Variants in EYS observed in about 807,000 individuals in gnomAD.
EYS encodes the protein EGF-like photoreceptor maintenance factor, also known as protein eyes shut homolog.
In EYS, 250 loss-of-function variants were observed where a neutral mutation model predicts 282.1. That is an observed-to-expected ratio of 0.89 (90% CI 0.80 to 0.98). EYS has a LOEUF of 0.98. EYS is among the 50% of genes least tolerant of loss of function. The pLI is 0.00. For missense variants in EYS, 4,016 were observed against 3,709.0 expected (o/e 1.08, Z -2.15); for synonymous variants, 1,355 against 1,282.9 (o/e 1.06, Z -1.20).
rs2150353000 is a variant in EYS at position 65,386,091 on chromosome 6, A to G, written c.1185-1591T>C. Among the ~76,000 whole-genome samples the G allele has an allele frequency of 2.0e-5, 3 of 151,916 alleles. No homozygotes were observed. The South Asian group carries it at 6.2e-4, about 32-fold the overall frequency. On this transcript the variant is annotated intron_variant, in intron 7 of 42. Transcript: ENST00000503581. ...ATTGAAGAACCAATATTCAGCCACT[A>G]AGAAGAATCAGACCCAAATGGTGTT...
intron 29 of EYS, chr6:64,377,864 C>T (rs143595499): frequency 1.3e-5 from 2 of 152,132 alleles, no homozygotes; most frequent in East Asian, 1.9e-4. Context: ...CCATCACTGC[C>T]TAGTTGTATA....
chr6:64,296,478 T>G (rs1456110301), intron 30 of EYS, among the ~76,000 whole-genome samples: 1 of 147,856 alleles, frequency 6.8e-6, no homozygotes, highest in African/African-American at 2.5e-5. Flanking sequence ...ATAAAGGAAA[T>G]AAGGCAGAGT....
intron 31 of EYS, among the ~76,000 whole-genome samples, chr6:64,174,860 A>G (rs1237397963): frequency 4.6e-5 from 7 of 152,090 alleles, no homozygotes; most frequent in Non-Finnish European, 5.9e-5. Context: ...ATGGTAAAAT[A>G]TCTGGTGGAT....
chr6:64,638,302 T>C lies in EYS; in HGVS notation c.3444-12057A>G, dbSNP rs1440361894. ...GCTTATTCCTGAAAGTGTTTAGTTA[T>C]AGGTAGATACATTGTTCCTTTCTAA... On this transcript the variant is annotated intron_variant, in intron 22 of 42. Transcript: ENST00000503581. Among the ~76,000 whole-genome samples, 2 of 92,048 alleles carry C rather than the reference T, an allele frequency of 2.2e-5. 1 individual carries two copies. The highest frequency in any genetic ancestry group is 4.8e-4 in the East Asian group (2 of 4,126). The allele number at this position is 92,048 out of a possible 152,430, so 60.4% of individuals were successfully genotyped here.
intron 39 of EYS, among the ~76,000 whole-genome samples, chr6:63,783,170 C>G (rs1204512921): frequency 1.3e-5 from 2 of 152,138 alleles, no homozygotes; most frequent in African/African-American, 4.8e-5. Context: ...TATCTCATGT[C>G]CACTCTATTC....
In EYS at chr6:64,593,211, A is replaced by G. The variant is rs1387885549; in HGVS notation, c.3783T>C (p.Tyr1261=). 2.6e-6 allele frequency: 4 copies of G among 1,550,622 alleles called. No homozygotes were observed. Among genetic ancestry groups the G allele is most frequent in the East Asian group, 2.4e-5 (1 of 40,832 alleles). ...QRTDPISTQT[Y]TIPPSETLVS... is the part of the protein sequence containing the mutation. Reference sequence around the variant, plus strand: ...CCAAAGTCTCAGAAGGGGGAATTGTATATGTCTGTGTGGAAATGGGATCTG... The same window carrying G: ...CCAAAGTCTCAGAAGGGGGAATTGTGTATGTCTGTGTGGAAATGGGATCTG... The change falls in exon 25 of 43, where the codon TAT becomes TAC. Residue 1261 remains tyrosine (Y), a synonymous_variant. Coordinates refer to ENST00000503581, the MANE Select transcript of EYS (RefSeq NM_001142800.2).
chr6:65,679,624 A>G (rs565569784), intron 1 of EYS, among the ~76,000 whole-genome samples: 1 of 152,054 alleles, frequency 6.6e-6, no homozygotes, highest in South Asian at 2.1e-4. Context: ...TTTCTACAAT[A>G]AAGTATATAT....
intron 26 of EYS, among the ~76,000 whole-genome samples, chr6:64,463,411 A>G (rs1435565330): frequency 6.6e-6 from 1 of 152,224 alleles, no homozygotes; most frequent in Non-Finnish European, 1.5e-5. Flanking sequence ...ACATTATGAT[A>G]TATTGAACTA....
At chr6:65,007,915 T>C (rs1174316471) in intron 13 of EYS, among the ~76,000 whole-genome samples, 1 of 152,214 alleles carries the variant, frequency 6.6e-6, no homozygotes, top group Non-Finnish European at 1.5e-5. Context: ...AGATATAATG[T>C]TACTGCTAAA....
chr6:64,592,034 A>T (rs1329191522), intron 25 of EYS, 45 bp from the exon 26 acceptor site: 15 of 1,373,198 alleles, frequency 1.1e-5, no homozygotes, highest in Admixed American at 8.9e-5. Context: ...AATGAATCAG[A>T]AACGAACCAC....
intron 30 of EYS, among the ~76,000 whole-genome samples, chr6:64,301,037 A>C (rs1009100530): frequency 6.6e-6 from 1 of 152,230 alleles, no homozygotes; most frequent in African/African-American, 2.4e-5. Flanking sequence ...GTACTTTCAA[A>C]GTTAGATACC....
At chr6:65,141,913 C>T (rs1257444387) in intron 12 of EYS, among the ~76,000 whole-genome samples, 1 of 151,798 alleles carries the variant, frequency 6.6e-6, no homozygotes, top group Non-Finnish European at 1.5e-5. Context: ...CAGATCTACT[C>T]TAAAAAAATT....
intron 12 of EYS, among the ~76,000 whole-genome samples, chr6:65,208,891 T>C (rs892205461): frequency 6.6e-6 from 1 of 151,842 alleles, no homozygotes; most frequent in African/African-American, 2.4e-5. Context: ...CTCACCCTTA[T>C]GCAATACATT....
At chr6:64,258,006 T>C (rs1767460165) in intron 30 of EYS, among the ~76,000 whole-genome samples, 1 of 152,002 alleles carries the variant, frequency 6.6e-6, no homozygotes, top group Non-Finnish European at 1.5e-5. Context: ...CAAACTGGTA[T>C]CAAATCTTAA....
chr6:65,324,261 C>T (rs184628238), intron 11 of EYS, among the ~76,000 whole-genome samples: 13 of 152,230 alleles, frequency 8.5e-5, no homozygotes, highest in Admixed American at 7.9e-4. Context: ...TCTGTCTTCT[C>T]CTGCAAGAAT....
At chr6:64,053,933 T>C (rs1389133966) in intron 33 of EYS, among the ~76,000 whole-genome samples, 1 of 152,168 alleles carries the variant, frequency 6.6e-6, no homozygotes, top group Non-Finnish European at 1.5e-5. Context: ...TAAAGCTAAA[T>C]TTCCATGGCC....
At chr6:64,379,315 A>C (rs1772667551) in intron 29 of EYS, among the ~76,000 whole-genome samples, 1 of 152,204 alleles carries the variant, frequency 6.6e-6, no homozygotes, top group Non-Finnish European at 1.5e-5. Context: ...ACCACACTGC[A>C]AAATTAAACA....
intron 26 of EYS, among the ~76,000 whole-genome samples, chr6:64,544,114 G>A (rs1764773117): frequency 6.6e-6 from 1 of 152,164 alleles, no homozygotes; most frequent in Admixed American, 6.5e-5. Flanking sequence ...TGTTTTGGAT[G>A]GTTCACCAGT....
intron 29 of EYS, among the ~76,000 whole-genome samples, chr6:64,355,591 A>G (rs900096007): frequency 4.6e-5 from 7 of 151,642 alleles, no homozygotes; most frequent in Admixed American, 2.6e-4. Flanking sequence ...TTCTCAATAG[A>G]GTTGCAGAAG....
Sources: allele counts gnomAD v4.1 joint callset (sites outside exome capture counted in the v4.1 genomes callset), GRCh38; gene constraint gnomAD v4.1.1; transcripts MANE v1.5; gene names NCBI Gene and HGNC (gene_info 2026-07-23, HGNC 2026-07-21).